The following ACCSL variants were observed in gnomAD, a reference collection of about 807,000 sequenced individuals.
ACCSL encodes probable inactive 1-aminocyclopropane-1-carboxylate synthase-like protein 2.
Under a neutral mutation model 61.7 loss-of-function variants are expected in ACCSL, and 55 were observed. The ratio of observed to expected loss-of-function variants is 0.89; its 90% confidence interval spans 0.72 to 1.12. ACCSL has a LOEUF of 1.12. Ranked by LOEUF, ACCSL falls within the 50% of genes most tolerant of loss-of-function variation. ACCSL has a pLI of 0.00. For synonymous variants in ACCSL, 258 were observed against 264.3 expected, an observed-to-expected ratio of 0.98 and a Z score of 0.23; for missense variants, 632 against 698.0, an observed-to-expected ratio of 0.91 and a Z score of 1.07.
At chr11:44,050,040 C>A (rs1730450993) in intron 1 of ACCSL, 22 bp from the exon 2 acceptor site, 2 of 1,614,146 alleles carry the variant, frequency 1.2e-6, no homozygotes, top group Non-Finnish European at 1.7e-6. Context: ...CTGACCTGAT[C>A]TTGGATTCCT....
At chr11:43,960,006 A>G in the ACCSL span, among the ~76,000 whole-genome samples, 7 of 152,034 alleles carry the variant, frequency 4.6e-5, no homozygotes, top group Admixed American at 1.3e-4. Flanking sequence ...GGCCCCCACC[A>G]GGAGCTTTTT....
the ACCSL span, among the ~76,000 whole-genome samples, chr11:44,032,974 C>T: frequency 1.2e-3 from 177 of 152,240 alleles, 1 homozygote; most frequent in Admixed American, 1.7e-3. Flanking sequence ...TGGGAGGAGT[C>T]GGCAGGAACT....
At chr11:43,994,761 T>C in the ACCSL span, among the ~76,000 whole-genome samples, 1 of 152,008 alleles carries the variant, frequency 6.6e-6, no homozygotes, top group Non-Finnish European at 1.5e-5. Context: ...ACCTCCTGAG[T>C]AGCTGGGACT....
the ACCSL span, among the ~76,000 whole-genome samples, chr11:43,956,779 C>T: frequency 2.6e-5 from 4 of 152,154 alleles, no homozygotes; most frequent in Admixed American, 2.6e-4. Flanking sequence ...TTGACTGTTT[C>T]AATCAATTGA....
At chr11:43,996,057 G>A in the ACCSL span, among the ~76,000 whole-genome samples, 2 of 152,322 alleles carry the variant, frequency 1.3e-5, no homozygotes, top group South Asian at 4.1e-4. Context: ...TAGTGGCACA[G>A]GAAGAACGCT....
the ACCSL span, chr11:43,926,591 A>G: frequency 2.4e-6 from 1 of 408,768 alleles, no homozygotes; most frequent in Non-Finnish European, 4.8e-6. Flanking sequence ...TCCATTACAG[A>G]TAGAAGTAAA....
chr11:44,041,944 A>T, the ACCSL span, among the ~76,000 whole-genome samples: 1 of 152,174 alleles, frequency 6.6e-6, no homozygotes, highest in Non-Finnish European at 1.5e-5. Flanking sequence ...CTATAGATAT[A>T]ATTGATTTTT....
the ACCSL span, among the ~76,000 whole-genome samples, chr11:44,006,368 A>C: frequency 6.6e-6 from 1 of 152,140 alleles, no homozygotes; most frequent in Non-Finnish European, 1.5e-5. Flanking sequence ...AGCTGGATGC[A>C]GCTCATTTGA....
chr11:44,005,213 C>T, the ACCSL span, among the ~76,000 whole-genome samples: 18 of 152,152 alleles, frequency 1.2e-4, no homozygotes, highest in Non-Finnish European at 1.6e-4. Flanking sequence ...CTTTCCCTGC[C>T]CCCAGCCCCC....
At chr11:44,006,576 GCTT>G in the ACCSL span, among the ~76,000 whole-genome samples, 1 of 146,924 alleles carries the variant, frequency 6.8e-6, no homozygotes, top group African/African-American at 2.5e-5. Flanking sequence ...TGCAATCTCG[GCTT>G]ACTGCAGCCT....
the ACCSL span, chr11:43,943,286 G>A: frequency 6.8e-7 from 1 of 1,477,122 alleles, no homozygotes; most frequent in South Asian, 1.3e-5. The surrounding 1 kb of genome is among the most constrained non-coding windows in gnomAD (Gnocchi z 4.8). Flanking sequence ...GGCGCCGCCC[G>A]CGGGGGGGAC....
chr11:43,944,134 T>G, the ACCSL span: 1 of 328,568 alleles, frequency 3.0e-6, no homozygotes, highest in Non-Finnish European at 5.9e-6. Flanking sequence ...GCATCCGGGC[T>G]GAAGTGAAGC....
At chr11:43,943,812 A>T in the ACCSL span, 1 of 1,302,660 alleles carries the variant, frequency 7.7e-7, no homozygotes, top group Non-Finnish European at 1.0e-6. The surrounding 1 kb of genome is among the most constrained non-coding windows in gnomAD (Gnocchi z 4.8). Context: ...TTATTTAACG[A>T]TCTTTTTACC....
chr11:44,024,056 G>T, the ACCSL span, among the ~76,000 whole-genome samples: 12 of 152,190 alleles, frequency 7.9e-5, no homozygotes, highest in Non-Finnish European at 1.3e-4. Context: ...GTCCGTGAGG[G>T]TGTCTCTGGA....
Position 44,052,715 on chromosome 11 carries a change from C to T in ACCSL, c.826C>T (p.Leu276=), listed in dbSNP as rs1952647092. The T allele has an allele frequency of 6.2e-7, 1 of 1,614,156 alleles. No homozygotes were observed. Among genetic ancestry groups the T allele is most frequent in the Admixed American group, 1.7e-5 (1 of 60,020 alleles). The stretch of plus-strand genomic sequence containing the variant: ...TGGTGGCTTTGCCTTTAGCTCCCGC[C>T]TGTATGCAAAGGTTGAGTTGATTCC... ...FYGGFAFSSR[L]YAKVELIPVH... is the part of the protein sequence containing the mutation. The change falls in exon 6 of 14, where the codon CTG becomes TTG. Residue 276 remains leucine (L), a synonymous_variant. Coordinates refer to ENST00000378832, the MANE Select transcript of ACCSL (RefSeq NM_001031854.2).
the ACCSL span, among the ~76,000 whole-genome samples, chr11:43,939,581 C>T: frequency 6.6e-6 from 1 of 151,600 alleles, no homozygotes; most frequent in Non-Finnish European, 1.5e-5. Context: ...CACCATCACA[C>T]ACTTGCTCAA....
At chr11:44,004,681 C>T in the ACCSL span, among the ~76,000 whole-genome samples, 2 of 152,162 alleles carry the variant, frequency 1.3e-5, no homozygotes, top group Non-Finnish European at 1.5e-5. Flanking sequence ...AGGGTCTTTC[C>T]CTTCCATCTG....
At chr11:44,007,577 C>CCTTG in the ACCSL span, among the ~76,000 whole-genome samples, 5 of 152,150 alleles carry the variant, frequency 3.3e-5, no homozygotes, top group East Asian at 9.7e-4. Context: ...AGAGACAAGG[C>CCTTG]CTTGGGTCAG....
At chr11:44,017,566 C>T in the ACCSL span, among the ~76,000 whole-genome samples, 1 of 152,184 alleles carries the variant, frequency 6.6e-6, no homozygotes, top group South Asian at 2.1e-4. Context: ...GGGCAATCAG[C>T]TCTGTTCATT....
Sources: gnomAD v4.1 joint callset for allele counts (sites outside exome capture counted in the v4.1 genomes callset) on GRCh38, gnomAD v4.1.1 for gene constraint, Gnocchi (gnomAD v3.1) non-coding constraint, MANE v1.5 for transcripts, NCBI Gene and HGNC (gene_info 2026-07-23, HGNC 2026-07-21) for gene names.